Variants in PTH2R observed in about 807,000 individuals in gnomAD.
PTH2R encodes the protein parathyroid hormone 2 receptor, also known as PTH2 receptor.
Under a neutral mutation model 60.3 loss-of-function variants are expected in PTH2R, and 59 were observed. The ratio of observed to expected loss-of-function variants is 0.98; its 90% CI spans 0.79 to 1.22. PTH2R has a LOEUF of 1.22. Among genes scored for constraint, PTH2R ranks in the 50% most tolerant of loss-of-function variants. PTH2R has a pLI of 0.00. For missense variants in PTH2R, 749 were observed against 682.6 expected (o/e 1.10, Z -1.08); for synonymous variants, 256 against 243.8 (o/e 1.05, Z -0.47).
chr2:208,447,932 G>T (rs1702322758), intron 7 of PTH2R, among the ~76,000 whole-genome samples: 1 of 151,826 alleles, frequency 6.6e-6, no homozygotes, highest in Non-Finnish European at 1.5e-5. Context: ...GTATGTAAAA[G>T]GTATCTCTTT....
intron 1 of PTH2R, among the ~76,000 whole-genome samples, chr2:208,417,642 C>T (rs775490185): frequency 6.0e-5 from 9 of 149,450 alleles, no homozygotes; most frequent in Non-Finnish European, 1.0e-4. Flanking sequence ...AACCTCCTCC[C>T]GGATTAAAGC....
At chr2:208,467,741 G>A (rs904749325) in intron 9 of PTH2R, among the ~76,000 whole-genome samples, 1 of 152,102 alleles carries the variant, frequency 6.6e-6, no homozygotes, top group African/African-American at 2.4e-5. Context: ...GAGAGACAGG[G>A]ATGCTATCTC....
At chr2:208,398,876 A>G (rs1212142719) in intron 1 of PTH2R, among the ~76,000 whole-genome samples, 1 of 152,236 alleles carries the variant, frequency 6.6e-6, no homozygotes, top group Non-Finnish European at 1.5e-5. Flanking sequence ...TCAAAGGACC[A>G]GGCAAACACC....
intron 7 of PTH2R, among the ~76,000 whole-genome samples, chr2:208,446,034 T>C (rs950645248): frequency 1.3e-5 from 2 of 152,200 alleles, no homozygotes; most frequent in Non-Finnish European, 2.9e-5. Flanking sequence ...AAATTATATC[T>C]GTGAACCCAC....
chr2:208,440,833 G>T (rs1702167351), intron 4 of PTH2R, among the ~76,000 whole-genome samples: 1 of 152,240 alleles, frequency 6.6e-6, no homozygotes. Context: ...CATGGGGGAA[G>T]TATGCCAAAG....
At chr2:208,485,761 C>T (rs1267455493) in intron 10 of PTH2R, among the ~76,000 whole-genome samples, 1 of 152,182 alleles carries the variant, frequency 6.6e-6, no homozygotes, top group Non-Finnish European at 1.5e-5. Context: ...TCCCCCAATA[C>T]CCTTCGCCTT....
chr2:208,363,800 G>T (rs1337677990), intron 1 of PTH2R, among the ~76,000 whole-genome samples: 3 of 152,032 alleles, frequency 2.0e-5, no homozygotes, highest in African/African-American at 7.2e-5. Flanking sequence ...ATGCTTGTTG[G>T]CCGCATGTGT....
rs1702104346 is a variant in PTH2R at position 208,437,760 on chromosome 2, G to A, written c.290G>A (p.Gly97Glu). The change falls in exon 4 of 13, where the codon GGA (glycine) becomes GAA (glutamate). Residue 97 changes from glycine (G) to glutamate (E), a missense_variant and splice_region_variant. By Grantham distance (98) the Gly-to-Glu change is moderately conservative (BLOSUM62 -2). Coordinates refer to ENST00000272847, the MANE Select transcript of PTH2R (RefSeq NM_005048.4). The part of the protein sequence containing the change: ...PPYIYDFNHK[G>E]VAFRHCNPNG... Reference sequence around the variant, plus strand: ...CTCAGCATCTTTCATGTCTTTACAGGAGTTGCTTTCCGACACTGTAACCCC... The same window carrying A: ...CTCAGCATCTTTCATGTCTTTACAGAAGTTGCTTTCCGACACTGTAACCCC... 1 of 1,611,908 alleles carries A rather than the reference G, an allele frequency of 6.2e-7. No homozygotes were observed. Among genetic ancestry groups the A allele is most frequent in the South Asian group, 1.1e-5 (1 of 90,976 alleles).
At chr2:208,405,828 T>G (rs1701391402), upstream of PTH2R, among the ~76,000 whole-genome samples, 1 of 152,140 alleles carries the variant, frequency 6.6e-6, no homozygotes, top group South Asian at 2.1e-4. Context: ...AAAAGAGACC[T>G]CAGAAAAATC....
In PTH2R at chr2:208,444,727, G is replaced by A; in HGVS notation, c.700-7G>A. On this transcript the variant is annotated splice_polypyrimidine_tract_variant and splice_region_variant and intron_variant, in intron 6 of 12. Coordinates refer to ENST00000272847, the MANE Select transcript of PTH2R (RefSeq NM_005048.4). ...AATATGATGAAATTCTGGTTTATTT[G>A]TAATAGATCGGGTGCAAGATTGCTG... 3 of 1,612,228 alleles carry A rather than the reference G, an allele frequency of 1.9e-6. No homozygotes were observed. Among genetic ancestry groups the A allele is most frequent in the Non-Finnish European group, 1.7e-6 (2 of 1,179,112 alleles).
At chr2:208,479,483 G>A (rs766764805) in intron 9 of PTH2R, among the ~76,000 whole-genome samples, 2 of 152,272 alleles carry the variant, frequency 1.3e-5, no homozygotes, top group South Asian at 2.1e-4. Context: ...CAGCTACATC[G>A]TATTGCCGGT....
chr2:208,412,591 G>A (rs1701561620), intron 1 of PTH2R, among the ~76,000 whole-genome samples: 3 of 152,226 alleles, frequency 2.0e-5, no homozygotes, highest in Admixed American at 2.0e-4. Context: ...GAAAGGCAGA[G>A]GTAGTGCTGT....
chr2:208,439,144 C>T (rs1325056203), intron 4 of PTH2R, among the ~76,000 whole-genome samples: 3 of 152,106 alleles, frequency 2.0e-5, no homozygotes, highest in South Asian at 2.1e-4. Flanking sequence ...TGTTAATGGC[C>T]ATTAAATTAA....
At chr2:208,407,210 T>A in intron 1 of PTH2R, 92 bp downstream of exon 1, 1 of 1,128,688 alleles carries the variant, frequency 8.9e-7, no homozygotes, top group Non-Finnish European at 1.2e-6. Context: ...GCGCGAGAGC[T>A]CATTCATGTT....
Position 208,437,632 on chromosome 2 carries a change from G to A in PTH2R, c.274G>A (p.Asp92Asn). 6.2e-7 allele frequency: 1 copy of A among 1,612,214 alleles called. No individual in the cohort carries two copies. Among genetic ancestry groups the A allele is most frequent in the Non-Finnish European group, 8.5e-7 (1 of 1,179,274 alleles). The change falls in exon 3 of 13, where the codon GAC (aspartate) becomes AAC (asparagine). Residue 92 changes from aspartate to asparagine, a missense_variant. Coordinates refer to ENST00000272847, the MANE Select transcript of PTH2R (RefSeq NM_005048.4). The stretch of plus-strand genomic sequence containing the variant: ...TGTTCCATGCCCTCCTTATATTTAT[G>A]ACTTCAACCATAAAGGTATTGAATT... ...SAVPCPPYIY[D>N]FNHKGVAFRH...
intron 8 of PTH2R, among the ~76,000 whole-genome samples, chr2:208,453,814 G>C (rs1274876933): frequency 6.6e-6 from 1 of 152,188 alleles, no homozygotes; most frequent in African/African-American, 2.4e-5. Flanking sequence ...GCAGGGGACA[G>C]ATCTGAGAAT....
At chr2:208,465,994 G>A (rs1702743374) in intron 9 of PTH2R, among the ~76,000 whole-genome samples, 2 of 152,048 alleles carry the variant, frequency 1.3e-5, no homozygotes, top group Non-Finnish European at 2.9e-5. Flanking sequence ...AACATTTGGT[G>A]TGCATTAATA....
intron 1 of PTH2R, among the ~76,000 whole-genome samples, chr2:208,421,428 T>A (rs2105847066): frequency 6.6e-6 from 1 of 152,134 alleles, no homozygotes. Context: ...TGTGTGTTTG[T>A]ATATATATTT....
At chr2:208,363,894 T>G (rs1428883403) in intron 1 of PTH2R, among the ~76,000 whole-genome samples, 1 of 152,204 alleles carries the variant, frequency 6.6e-6, no homozygotes. Context: ...TTAAGTTTCA[T>G]GTAGATTCTG....
Sources: allele counts gnomAD v4.1 joint callset (sites outside exome capture counted in the v4.1 genomes callset), GRCh38; gene constraint gnomAD v4.1.1; transcripts MANE v1.5; gene names NCBI Gene and HGNC (gene_info 2026-07-23, HGNC 2026-07-21).